SLC35E2B: variants seen among roughly 807,000 people sequenced by gnomAD.
SLC35E2B encodes the protein solute carrier family 35 member E2B.
In SLC35E2B, 18 loss-of-function variants were observed where a neutral mutation model predicts 32.4. The ratio of observed to expected loss-of-function variants is 0.56; its 90% CI spans 0.38 to 0.82. SLC35E2B has a LOEUF of 0.82. Ranked by LOEUF, SLC35E2B falls within the 40% of genes least tolerant of loss-of-function variation. The pLI is 0.00. For synonymous variants in SLC35E2B, 132 were observed against 209.1 expected (o/e 0.63, Z 3.18); for missense variants, 263 against 469.5 (o/e 0.56, Z 4.06).
intron 2 of SLC35E2B, among the ~76,000 whole-genome samples, chr1:1,683,404 A>T (rs1442906453): frequency 6.6e-6 from 1 of 152,160 alleles, no homozygotes; most frequent in Non-Finnish European, 1.5e-5. Flanking sequence ...AATGAGTTTG[A>T]CAGGACTGCC....
At chr1:1,688,041 A>G (rs370749040) in intron 2 of SLC35E2B, among the ~76,000 whole-genome samples, 3 of 152,152 alleles carry the variant, frequency 2.0e-5, no homozygotes, top group African/African-American at 7.2e-5. Context: ...AAAGTTTGTG[A>G]TCTAGGAATG....
intron 2 of SLC35E2B, among the ~76,000 whole-genome samples, chr1:1,689,902 G>C (rs1248725927): frequency 6.7e-6 from 1 of 149,848 alleles, no homozygotes; most frequent in Non-Finnish European, 1.5e-5. Context: ...CAGGAGAATT[G>C]CTTGAACCCA....
chr1:1,683,935 G>T (rs1390131304), intron 2 of SLC35E2B, among the ~76,000 whole-genome samples: 1 of 152,178 alleles, frequency 6.6e-6, no homozygotes, highest in Admixed American at 6.5e-5. Context: ...CCAGGTGCAG[G>T]TGCCTGTTCA....
intron 2 of SLC35E2B, among the ~76,000 whole-genome samples, chr1:1,680,658 A>C (rs776235084): frequency 5.3e-5 from 8 of 151,914 alleles, no homozygotes; most frequent in Non-Finnish European, 1.2e-4. Context: ...TTCCCCTCCC[A>C]ATCTGCAGGA....
chr1:1,661,544 C>T lies in SLC35E2B; in HGVS notation c.*4238G>A, dbSNP rs956701356. On this transcript the variant is annotated 3_prime_UTR_variant, in exon 10 of 10. Coordinates refer to ENST00000617444, the MANE Select transcript of SLC35E2B (RefSeq NM_001290264.2). ...TAGACAGCTACTACCACGGCTGCTT[C>T]GTTTGGACAAAAATAACGAGGAGGC... The T allele has an allele frequency of 6.0e-5, 47 of 776,958 alleles. 3 individuals are homozygous for T. The highest frequency in any genetic ancestry group is 6.8e-5 in the Non-Finnish European group (43 of 636,156). 48.1% of individuals were successfully genotyped at this position (776,958 alleles called of 1,614,324 possible). A position where few individuals can be genotyped will look rare whatever the true frequency, so the allele number is the denominator to read the frequency against.
intron 7 of SLC35E2B, 71 bp from the exon 8 acceptor site, chr1:1,669,807 C>A: frequency 6.8e-7 from 1 of 1,461,148 alleles, no homozygotes; most frequent in South Asian, 1.2e-5. Flanking sequence ...TCCCTCACAG[C>A]AAGAACACCC....
rs1331046884 is a variant in SLC35E2B at position 1,668,313 on chromosome 1, G to A, written c.980+14C>T. 4 of 1,600,316 alleles carry A rather than the reference G, an allele frequency of 2.5e-6. No homozygotes were observed. Among genetic ancestry groups the A allele is most frequent in the Admixed American group, 3.4e-5 (2 of 59,058 alleles). ...CCTGGACACACTCAACTCTTGGGAA[G>A]TTCCTCTGCTCACCTGAAAGTCACC... On this transcript the variant is annotated intron_variant, in intron 9 of 9. Transcript: ENST00000617444.
chr1:1,669,047 G>A lies in SLC35E2B; in HGVS notation c.835-575C>T, dbSNP rs77376002. On this transcript the variant is annotated intron_variant, in intron 8 of 9. Coordinates refer to ENST00000617444, the MANE Select transcript of SLC35E2B (RefSeq NM_001290264.2). ...TATTATATAATCCAGCACTTCCACT[G>A]CTGGGTATACACGCACAAGAACTGA... is the stretch of plus-strand genomic sequence containing the variant. 1.7e-3 allele frequency among the ~76,000 whole-genome samples: 265 copies of A among 151,880 alleles called. 1 individual carries two copies. The East Asian group carries it at 0.039, about 22-fold the overall frequency.
In SLC35E2B at chr1:1,666,070, A is replaced by T. The variant is rs1643536785; in HGVS notation, c.981-51T>A. On this transcript the variant is annotated intron_variant, in intron 9 of 9. Transcript: ENST00000617444. The stretch of plus-strand genomic sequence containing the variant: ...GGGCGCTCAGGGCTATGGTCTCCTC[A>T]GCCCGTGGCCAGCAGCTCGGCTGAG... 6 of 1,515,212 alleles carry T rather than the reference A, an allele frequency of 4.0e-6. No homozygotes were observed. In the East Asian group the frequency reaches 1.5e-4, roughly 38 times the overall value. 93.9% of individuals were successfully genotyped at this position (1,515,212 alleles called of 1,614,324 possible).
intron 2 of SLC35E2B, among the ~76,000 whole-genome samples, chr1:1,690,426 G>C (rs182790084): frequency 1.3e-5 from 2 of 149,108 alleles, no homozygotes; most frequent in African/African-American, 4.9e-5. Context: ...TACAAACCAA[G>C]TAGAAAAACA....
intron 2 of SLC35E2B, among the ~76,000 whole-genome samples, chr1:1,683,418 C>G (rs572772729): frequency 6.6e-6 from 1 of 152,138 alleles, no homozygotes; most frequent in African/African-American, 2.4e-5. Flanking sequence ...GACTGCCCTA[C>G]AGAACTGCAG....
intron 2 of SLC35E2B, among the ~76,000 whole-genome samples, chr1:1,684,070 G>A (rs1232835364): frequency 6.6e-6 from 1 of 152,086 alleles, no homozygotes. Context: ...CTCACGTCTG[G>A]GGCACAGCCC....
intron 2 of SLC35E2B, among the ~76,000 whole-genome samples, chr1:1,679,784 A>G (rs1462933429): frequency 1.4e-5 from 2 of 147,608 alleles, no homozygotes; most frequent in Non-Finnish European, 3.0e-5. Flanking sequence ...GTGAGCTGAG[A>G]TCGCGCCATT....
intron 2 of SLC35E2B, among the ~76,000 whole-genome samples, chr1:1,679,921 A>G (rs1014886889): frequency 1.3e-5 from 2 of 151,724 alleles, no homozygotes; most frequent in Non-Finnish European, 2.9e-5. Flanking sequence ...TCATGAGGTC[A>G]GGAGTTCAAG....
At chr1:1,677,478 CTT>C (rs533023320) in intron 2 of SLC35E2B, among the ~76,000 whole-genome samples, 21 of 135,728 alleles carry the variant, frequency 1.5e-4, no homozygotes, top group Admixed American at 2.2e-4. Flanking sequence ...TTTCTTTTTC[CTT>C]TTTTTTTTTT....
intron 6 of SLC35E2B, 137 bp from the exon 7 acceptor site, chr1:1,670,288 CTTTT>C (rs1417248846): frequency 1.5e-6 from 1 of 646,716 alleles, no homozygotes; most frequent in African/African-American, 1.8e-5. Context: ...CGCCTGGTTA[CTTTT>C]TTTATTTTTA....
Position 1,667,222 on chromosome 1 carries a change from C to T in SLC35E2B, c.980+1105G>A, listed in dbSNP as rs1005844059. 1.1e-4 allele frequency among the ~76,000 whole-genome samples: 16 copies of T among 147,530 alleles called. 1 individual carries two copies. Among genetic ancestry groups the T allele is most frequent in the African/African-American group, 3.8e-4 (15 of 39,668 alleles). ...GAGATCGAGACCATCCTGGCTAACACGGTGAAACCCTGTCTCTACTAAAAA... is the reference window on the plus strand; with the variant it reads ...GAGATCGAGACCATCCTGGCTAACATGGTGAAACCCTGTCTCTACTAAAAA... On this transcript the variant is annotated intron_variant, in intron 9 of 9. Coordinates refer to ENST00000617444, the MANE Select transcript of SLC35E2B (RefSeq NM_001290264.2).
intron 2 of SLC35E2B, among the ~76,000 whole-genome samples, chr1:1,688,899 C>T (rs1252271136): frequency 1.3e-5 from 2 of 151,644 alleles, no homozygotes; most frequent in African/African-American, 4.9e-5. Flanking sequence ...AGGTCGGGCG[C>T]GGTGGCTCAA....
chr1:1,680,374 A>G lies in SLC35E2B; in HGVS notation c.-147-3528T>C, dbSNP rs374686226. 5.9e-5 allele frequency among the ~76,000 whole-genome samples: 9 copies of G among 152,324 alleles called. 1 individual carries two copies. The highest frequency in any genetic ancestry group is 7.2e-5 in the African/African-American group (3 of 41,566). On this transcript the variant is annotated intron_variant, in intron 2 of 9. Transcript: ENST00000617444. The stretch of plus-strand genomic sequence containing the variant: ...GCCGACTGCAAACAAAGGCCTCTCC[A>G]TGCAGCTGCGCTGGGACGCGGGTTC...
Sources: allele counts gnomAD v4.1 joint callset (sites outside exome capture counted in the v4.1 genomes callset), GRCh38; gene constraint gnomAD v4.1.1; transcripts MANE v1.5; gene names NCBI Gene and HGNC (gene_info 2026-07-23, HGNC 2026-07-21).